The following CSMD1 variants were observed in gnomAD, a reference collection of about 807,000 sequenced individuals.
CSMD1 encodes CUB and Sushi multiple domains 1, also known as CUB and sushi domain-containing protein 1.
A neutral mutation model predicts 417.5 loss-of-function variants in CSMD1; 213 were observed. The observed-to-expected ratio is 0.51, with a 90% CI of 0.46 to 0.57. The LOEUF (loss-of-function observed/expected upper bound fraction) is 0.57. Among genes scored for constraint, CSMD1 ranks in the 20% least tolerant of loss-of-function variants. The pLI is 0.00. For missense variants in CSMD1, 6,923 were observed against 4,529.7 expected, an observed-to-expected ratio of 1.53 and a Z score of -15.17; for synonymous variants, 2,862 against 1,736.8, an observed-to-expected ratio of 1.65 and a Z score of -16.11.
At chr8:4,389,036 A>C (rs769590943) in intron 3 of CSMD1, among the ~76,000 whole-genome samples, 2 of 152,216 alleles carry the variant, frequency 1.3e-5, no homozygotes, top group African/African-American at 4.8e-5. Context: ...GTAAGCATGC[A>C]GTTAGTCTGG....
At chr8:3,453,742 A>C (rs1815909040) in intron 12 of CSMD1, among the ~76,000 whole-genome samples, 1 of 152,134 alleles carries the variant, frequency 6.6e-6, no homozygotes, top group Non-Finnish European at 1.5e-5. Flanking sequence ...CTATGTGGTC[A>C]ATTTTGGAAT....
intron 1 of CSMD1, among the ~76,000 whole-genome samples, chr8:4,755,171 A>G (rs1268622678): frequency 6.6e-6 from 1 of 152,208 alleles, no homozygotes; most frequent in Non-Finnish European, 1.5e-5. Flanking sequence ...AAGCAAAGTC[A>G]TAGGCCAAAT....
At chr8:3,128,435 G>A (rs561574166) in intron 41 of CSMD1, 36 of 161,568 alleles carry the variant, frequency 2.2e-4, no homozygotes, top group African/African-American at 8.2e-4. Flanking sequence ...ATAAATAAAT[G>A]ACAAACTTTA....
chr8:3,201,664 A>G lies in CSMD1; in HGVS notation c.5046T>C (p.Asp1682=), dbSNP rs1156799562. The stretch of plus-strand genomic sequence containing the variant: ...GAAGTCTGGCCTGTGCATGGGTTCC[A>G]TCAAATAATTCTGCCAAATCATTCA... ...TALNDLAELF[D]GTHAQARLLS... is the part of the protein sequence containing the mutation. Residue 1682 remains aspartate (D), a synonymous_variant, in exon 32 of 70, where the codon GAT becomes GAC. Coordinates refer to ENST00000635120, the MANE Select transcript of CSMD1 (RefSeq NM_033225.6). 2 of 1,607,270 alleles carry G rather than the reference A, an allele frequency of 1.2e-6. No individual in the cohort carries two copies. Among genetic ancestry groups the G allele is most frequent in the Non-Finnish European group, 1.7e-6 (2 of 1,176,796 alleles).
chr8:4,844,176 C>G (rs983318916), intron 1 of CSMD1, among the ~76,000 whole-genome samples: 2 of 152,070 alleles, frequency 1.3e-5, no homozygotes, highest in African/African-American at 4.8e-5. Context: ...TTCTACTACA[C>G]GTAGCACTGG....
At chr8:4,693,986 G>C (rs1238009468) in intron 1 of CSMD1, among the ~76,000 whole-genome samples, 1 of 152,224 alleles carries the variant, frequency 6.6e-6, no homozygotes, top group Non-Finnish European at 1.5e-5. Flanking sequence ...CTCTGTGAAG[G>C]AAAGTCAATC....
chr8:4,164,903 G>A (rs1014722928), intron 3 of CSMD1, among the ~76,000 whole-genome samples: 5 of 150,448 alleles, frequency 3.3e-5, no homozygotes, highest in East Asian at 1.9e-4. Context: ...ATATATATAT[G>A]TATATATATA....
At chr8:4,310,519 A>T (rs1025741606) in intron 3 of CSMD1, among the ~76,000 whole-genome samples, 1 of 93,162 alleles carries the variant, frequency 1.1e-5, no homozygotes, top group Non-Finnish European at 2.5e-5. Flanking sequence ...TTCCACATTA[A>T]ATAAAATATC....
At chr8:3,569,254 T>C (rs1258478211) in intron 10 of CSMD1, among the ~76,000 whole-genome samples, 1 of 152,214 alleles carries the variant, frequency 6.6e-6, no homozygotes, top group Non-Finnish European at 1.5e-5. Flanking sequence ...TTCGTGTTCC[T>C]TTTGACATGA....
At chr8:2,950,087 T>C (rs1019023368) in intron 67 of CSMD1, 144 bp downstream of exon 67, 2 of 598,806 alleles carry the variant, frequency 3.3e-6, no homozygotes, top group Non-Finnish European at 6.1e-6. Flanking sequence ...ATGGCCACTC[T>C]GTCAAGAAGA....
At chr8:4,672,615 G>A (rs1295027047) in intron 1 of CSMD1, among the ~76,000 whole-genome samples, 1 of 152,068 alleles carries the variant, frequency 6.6e-6, no homozygotes, top group Non-Finnish European at 1.5e-5. Context: ...TACGTATGCA[G>A]AAAAATTAAA....
At chr8:3,753,836 C>A in intron 6 of CSMD1, 94 bp downstream of exon 6, 1 of 764,292 alleles carries the variant, frequency 1.3e-6, no homozygotes, top group Non-Finnish European at 2.1e-6. Flanking sequence ...CATTTTCAAG[C>A]TATTTATCCA....
chr8:4,077,768 A>C (rs183134112), intron 3 of CSMD1, among the ~76,000 whole-genome samples: 4 of 152,306 alleles, frequency 2.6e-5, no homozygotes, highest in South Asian at 4.1e-4. Flanking sequence ...CCCTATGATA[A>C]GCATTTTTCA....
At chr8:4,249,608 G>C (rs544597350) in intron 3 of CSMD1, among the ~76,000 whole-genome samples, 6 of 152,202 alleles carry the variant, frequency 3.9e-5, no homozygotes, top group Non-Finnish European at 7.3e-5. Context: ...ATGGTGTTAA[G>C]AAATGTTTTC....
At chr8:4,464,805 A>G (rs1800058213) in intron 2 of CSMD1, among the ~76,000 whole-genome samples, 1 of 152,044 alleles carries the variant, frequency 6.6e-6, no homozygotes, top group Non-Finnish European at 1.5e-5. Context: ...AAGAAAACTG[A>G]TTCTCTTTGA....
intron 3 of CSMD1, among the ~76,000 whole-genome samples, chr8:4,341,706 T>C (rs371817649): frequency 2.0e-4 from 30 of 152,150 alleles, no homozygotes; most frequent in Non-Finnish European, 3.4e-4. Flanking sequence ...AACCTAAGAT[T>C]AGTCAATATG....
intron 3 of CSMD1, among the ~76,000 whole-genome samples, chr8:4,329,959 T>C (rs1013228730): frequency 6.6e-6 from 1 of 152,048 alleles, no homozygotes; most frequent in Non-Finnish European, 1.5e-5. Flanking sequence ...GACTGGAAGC[T>C]CCCTGAGGTC....
intron 5 of CSMD1, among the ~76,000 whole-genome samples, chr8:3,933,126 T>C (rs1168371742): frequency 5.8e-5 from 8 of 138,726 alleles, no homozygotes; most frequent in Admixed American, 4.2e-4. Context: ...TTATATATTT[T>C]GATTTTTACC....
Position 4,419,737 on chromosome 8 carries a change from T to C in CSMD1, c.415+216A>G, listed in dbSNP as rs763418130. ...AACAAAACCCCAAGAAGAAAAGTTCTAGTGATAAGAAGAAAATTGTGAACA... is the reference window on the plus strand; with the variant it reads ...AACAAAACCCCAAGAAGAAAAGTTCCAGTGATAAGAAGAAAATTGTGAACA... On this transcript the variant is annotated intron_variant, in intron 3 of 69. Coordinates refer to ENST00000635120, the MANE Select transcript of CSMD1 (RefSeq NM_033225.6). 7.2e-5 allele frequency among the ~76,000 whole-genome samples: 11 copies of C among 152,300 alleles called. No homozygotes were observed. In the East Asian group the frequency reaches 2.1e-3, roughly 29 times the overall value.
Sources: gnomAD v4.1 joint callset for allele counts (sites outside exome capture counted in the v4.1 genomes callset) on GRCh38, gnomAD v4.1.1 for gene constraint, MANE v1.5 for transcripts, NCBI Gene and HGNC (gene_info 2026-07-23, HGNC 2026-07-21) for gene names.